Variants in RIMS1 observed in about 807,000 individuals in gnomAD.
RIMS1 encodes the protein regulating synaptic membrane exocytosis 1, also known as regulating synaptic membrane exocytosis protein 1.
In RIMS1, 83 loss-of-function variants were observed where a neutral mutation model predicts 214.1. The observed-to-expected ratio is 0.39, with a 90% CI of 0.32 to 0.47. The LOEUF (loss-of-function observed/expected upper bound fraction) is 0.47. Ranked by LOEUF, RIMS1 falls within the 20% of genes least tolerant of loss-of-function variation. The probability of loss-of-function intolerance (pLI) is 0.99; values close to 1 mark genes in which losing one functional copy is unlikely to be tolerated. For missense variants in RIMS1, 2,050 were observed against 2,161.8 expected (o/e 0.95, Z 1.03); for synonymous variants, 793 against 786.8 (o/e 1.01, Z -0.13).
intron 29 of RIMS1, among the ~76,000 whole-genome samples, chr6:72,368,891 G>A (rs2098130419): frequency 6.6e-6 from 1 of 151,898 alleles, no homozygotes. Flanking sequence ...GATGTTTTGA[G>A]GCAATCTTAA....
At chr6:72,139,247 C>A (rs1431847626) in intron 4 of RIMS1, among the ~76,000 whole-genome samples, 2 of 152,110 alleles carry the variant, frequency 1.3e-5, no homozygotes, top group African/African-American at 4.8e-5. Context: ...CCAACTTGAT[C>A]TCATCCTCTC....
intron 29 of RIMS1, among the ~76,000 whole-genome samples, chr6:72,388,718 C>T (rs1596087500): frequency 2.6e-5 from 4 of 152,164 alleles, no homozygotes; most frequent in African/African-American, 7.2e-5. Flanking sequence ...CAAGAGGATT[C>T]GCTGATGGAT....
chr6:72,255,396 A>G (rs2075388475), intron 16 of RIMS1, among the ~76,000 whole-genome samples: 2 of 152,206 alleles, frequency 1.3e-5, no homozygotes, highest in Non-Finnish European at 2.9e-5. Flanking sequence ...AAAGCTCTGT[A>G]CAAAATGTTC....
At chr6:72,058,878 G>T (rs1241946681) in intron 2 of RIMS1, among the ~76,000 whole-genome samples, 1 of 152,184 alleles carries the variant, frequency 6.6e-6, no homozygotes, top group African/African-American at 2.4e-5. Flanking sequence ...AGTAGTACCA[G>T]ATGACCTCTT....
At chr6:72,145,549 T>A (rs574545081) in intron 4 of RIMS1, among the ~76,000 whole-genome samples, 4 of 152,104 alleles carry the variant, frequency 2.6e-5, no homozygotes, top group African/African-American at 9.6e-5. Flanking sequence ...GAGGCAGAGG[T>A]TGCAGTGAGC....
At chr6:72,363,959 C>T (rs1443128305) in intron 29 of RIMS1, among the ~76,000 whole-genome samples, 1 of 152,144 alleles carries the variant, frequency 6.6e-6, no homozygotes, top group African/African-American at 2.4e-5. Context: ...TTCCTGTGGG[C>T]TTAAACACTC....
In RIMS1 at chr6:72,265,042, A is replaced by C; in HGVS notation, c.3184A>C (p.Asn1062His). 6.3e-7 allele frequency: 1 copy of C among 1,582,886 alleles called. No homozygotes were observed. Among genetic ancestry groups the C allele is most frequent in the Non-Finnish European group, 8.6e-7 (1 of 1,159,114 alleles). Residue 1062 changes from asparagine (N) to histidine (H), a missense_variant, in exon 20 of 34, where the codon AAT becomes CAT. Asn to His is a moderately conservative substitution (Grantham distance 68). Around this residue, in one of 6 missense-constraint regions of RIMS1, gnomAD observed 889 missense variants for 885.5 expected, o/e 1.00. Coordinates refer to ENST00000521978, the MANE Select transcript of RIMS1 (RefSeq NM_014989.7). ...MPLLQSSSHW[N>H]IYSSILPAHT... ...TTTATTACAGAGCAGTTCTCACTGG[A>C]ATATTTACAGGTAAGAGCCCTAACA...
chr6:72,154,922 T>A (rs2044237575), intron 4 of RIMS1, among the ~76,000 whole-genome samples: 1 of 140,410 alleles, frequency 7.1e-6, no homozygotes, highest in African/African-American at 2.5e-5. Flanking sequence ...CATAGCCGAA[T>A]GGTTGAGAGA....
Position 72,251,266 on chromosome 6 carries a change from A to G in RIMS1, c.2596A>G (p.Lys866Glu). 1 of 1,598,956 alleles carries G rather than the reference A, an allele frequency of 6.3e-7. No individual in the cohort carries two copies. The highest frequency in any genetic ancestry group is 8.5e-7 in the Non-Finnish European group (1 of 1,171,886). ...ALLDDEPHWYKLQTHDESSLP... is the reference protein window; with the variant it reads ...ALLDDEPHWYELQTHDESSLP... ...TTTAGATGATGAACCGCATTGGTATAAACTTCAGACACATGATGAGTCTTC... is the reference window on the plus strand; with the variant it reads ...TTTAGATGATGAACCGCATTGGTATGAACTTCAGACACATGATGAGTCTTC... Residue 866 changes from lysine (K) to glutamate (E), a missense_variant, in exon 15 of 34, where the codon AAA becomes GAA. Physicochemically the swap from Lys to Glu is moderately conservative, Grantham distance 56. Coordinates refer to ENST00000521978, the MANE Select transcript of RIMS1 (RefSeq NM_014989.7).
intron 4 of RIMS1, among the ~76,000 whole-genome samples, chr6:72,132,142 C>T (rs2040550952): frequency 6.6e-6 from 1 of 152,160 alleles, no homozygotes; most frequent in Admixed American, 6.6e-5. Flanking sequence ...CATACATCCT[C>T]CTCTGTTTAG....
chr6:72,320,748 C>T (rs1168211191), intron 28 of RIMS1, among the ~76,000 whole-genome samples: 2 of 151,910 alleles, frequency 1.3e-5, no homozygotes, highest in Non-Finnish European at 2.9e-5. Flanking sequence ...AGCATTTTAG[C>T]TTTAAATAGC....
intron 33 of RIMS1, among the ~76,000 whole-genome samples, chr6:72,399,837 T>C (rs2098820823): frequency 6.6e-6 from 1 of 151,814 alleles, no homozygotes; most frequent in Admixed American, 6.6e-5. Flanking sequence ...CCTGGGAGTA[T>C]GTGAAATGGA....
At chr6:72,336,008 G>A (rs1448765815) in intron 29 of RIMS1, among the ~76,000 whole-genome samples, 2 of 151,650 alleles carry the variant, frequency 1.3e-5, no homozygotes, top group African/African-American at 4.8e-5. Flanking sequence ...TGGTATTGAA[G>A]TAATTCTTTA....
At chr6:72,153,004 A>ATTCCCCT in intron 4 of RIMS1, among the ~76,000 whole-genome samples, 1 of 27,890 alleles carries the variant, frequency 3.6e-5, no homozygotes, top group Non-Finnish European at 8.1e-5. Context: ...ATATGTTTAT[A>ATTCCCCT]TATGTATATA....
chr6:72,309,999 T>A (rs2095430316), intron 27 of RIMS1, among the ~76,000 whole-genome samples: 1 of 152,110 alleles, frequency 6.6e-6, no homozygotes, highest in Non-Finnish European at 1.5e-5. Flanking sequence ...TTATAACTAT[T>A]TTATAAAGAT....
chr6:71,999,184 T>G (rs888992459), intron 2 of RIMS1, among the ~76,000 whole-genome samples: 37 of 152,172 alleles, frequency 2.4e-4, no homozygotes, highest in Non-Finnish European at 1.5e-5. Flanking sequence ...TCTGTTATTC[T>G]TTCAAGATAG....
chr6:72,317,746 C>T (rs1309542599), intron 28 of RIMS1, among the ~76,000 whole-genome samples: 5 of 151,978 alleles, frequency 3.3e-5, no homozygotes, highest in Non-Finnish European at 7.4e-5. Context: ...TCTATATATC[C>T]AATACATGAA....
chr6:72,073,240 G>C, intron 2 of RIMS1, among the ~76,000 whole-genome samples: 1 of 152,018 alleles, frequency 6.6e-6, no homozygotes. Context: ...TTCATCCTTT[G>C]TGTCTTAGCT....
rs559974093 is a variant in RIMS1 at position 71,890,015 on chromosome 6, T to A, written c.164+2828T>A. On this transcript the variant is annotated intron_variant, in intron 1 of 33. Coordinates refer to ENST00000521978, the MANE Select transcript of RIMS1 (RefSeq NM_014989.7). ...CTGTGCATGCTGTCTCTTTTCACAA[T>A]GTATAAAAATAGGCGCAGAGAGAAA... Among the ~76,000 whole-genome samples, 4 of 152,270 alleles carry A rather than the reference T, an allele frequency of 2.6e-5. No individual in the cohort carries two copies. The East Asian group carries it at 7.7e-4, about 29-fold the overall frequency.
Sources: gnomAD v4.1 joint callset for allele counts (sites outside exome capture counted in the v4.1 genomes callset) on GRCh38, gnomAD v4.1.1 for gene constraint, gnomAD v4.1.1 regional missense constraint, MANE v1.5 for transcripts, NCBI Gene and HGNC (gene_info 2026-07-23, HGNC 2026-07-21) for gene names.